Variants in SPPL3 observed in about 807,000 individuals in gnomAD.
SPPL3 encodes the protein signal peptide peptidase like 3, also known as signal peptide peptidase-like 3.
Under a neutral mutation model 42.4 loss-of-function variants are expected in SPPL3, and 5 were observed. The ratio of observed to expected loss-of-function variants is 0.12; its 90% CI spans 0.06 to 0.25. SPPL3 has a LOEUF of 0.25. SPPL3 is among the 10% of genes least tolerant of loss of function. SPPL3 has a pLI of 1.00. For synonymous variants in SPPL3, 195 were observed against 181.8 expected (o/e 1.07, Z -0.58); for missense variants, 235 against 489.0 (o/e 0.48, Z 4.90).
chr12:120,837,739 C>T (rs1410814563), intron 1 of SPPL3, among the ~76,000 whole-genome samples: 2 of 152,112 alleles, frequency 1.3e-5, no homozygotes, highest in Non-Finnish European at 2.9e-5. Context: ...AATTTCCTTC[C>T]AACATTTATT....
At chr12:120,862,167 A>G (rs948512609) in intron 1 of SPPL3, among the ~76,000 whole-genome samples, 3 of 152,212 alleles carry the variant, frequency 2.0e-5, no homozygotes, top group African/African-American at 7.2e-5. Context: ...GAAACTGTGA[A>G]TATGAAAAAT....
At chr12:120,892,432 A>T (rs1180309129) in intron 1 of SPPL3, among the ~76,000 whole-genome samples, 2 of 152,188 alleles carry the variant, frequency 1.3e-5, no homozygotes, top group African/African-American at 4.8e-5. Flanking sequence ...AGGGGAAAAC[A>T]TTGCAGTCAG....
At chr12:120,784,904 T>A (rs770546385) in intron 3 of SPPL3, among the ~76,000 whole-genome samples, 2 of 151,980 alleles carry the variant, frequency 1.3e-5, no homozygotes, top group Non-Finnish European at 2.9e-5. Context: ...AAAACCCAGA[T>A]TAGTCCATTT....
At chr12:120,902,762 T>C (rs1018041552) in intron 1 of SPPL3, among the ~76,000 whole-genome samples, 4 of 152,076 alleles carry the variant, frequency 2.6e-5, no homozygotes, top group African/African-American at 7.2e-5. Flanking sequence ...TTCAAACCAT[T>C]TCTCTAAATT....
At chr12:120,776,450 T>C (rs908006883) in intron 6 of SPPL3, among the ~76,000 whole-genome samples, 1 of 152,160 alleles carries the variant, frequency 6.6e-6, no homozygotes, top group African/African-American at 2.4e-5. Context: ...CATTCCTCCT[T>C]TAGTGAGTCT....
At chr12:120,767,266 T>A in intron 9 of SPPL3, 128 bp downstream of exon 9, 1 of 980,594 alleles carries the variant, frequency 1.0e-6, no homozygotes, top group Non-Finnish European at 1.5e-6. Context: ...GGCCAGGCTG[T>A]CTATTACAGC....
intron 2 of SPPL3, among the ~76,000 whole-genome samples, chr12:120,802,413 G>GTATA (rs1159315831): frequency 4.4e-5 from 5 of 112,434 alleles, no homozygotes; most frequent in East Asian, 2.4e-4. Context: ...GTGTGTGTGT[G>GTATA]TGTATATATA....
chr12:120,868,850 T>C lies in SPPL3; in HGVS notation c.23+34995A>G, dbSNP rs188416153. On this transcript the variant is annotated intron_variant, in intron 1 of 10. Coordinates refer to ENST00000353487, the MANE Select transcript of SPPL3 (RefSeq NM_139015.5). Reference sequence around the variant, plus strand: ...ATATACATCTGAAGTGTAATATTAATAACTTTTCACAGAAATACTGAAGTA... The same window carrying C: ...ATATACATCTGAAGTGTAATATTAACAACTTTTCACAGAAATACTGAAGTA... 1.6e-3 allele frequency among the ~76,000 whole-genome samples: 250 copies of C among 152,334 alleles called. 1 individual carries two copies. The highest frequency in any genetic ancestry group is 5.6e-3 in the African/African-American group (233 of 41,564).
intron 1 of SPPL3, among the ~76,000 whole-genome samples, chr12:120,841,595 A>G (rs1871834365): frequency 6.6e-6 from 1 of 152,204 alleles, no homozygotes; most frequent in South Asian, 2.1e-4. Flanking sequence ...CAGTTTGTTC[A>G]TTCATCTGAA....
intron 6 of SPPL3, among the ~76,000 whole-genome samples, chr12:120,774,121 A>G (rs781578896): frequency 3.7e-4 from 56 of 152,164 alleles, no homozygotes; most frequent in Admixed American, 3.6e-3. Context: ...AACCTTCCAA[A>G]TAAGAAAGTC....
intron 1 of SPPL3, among the ~76,000 whole-genome samples, chr12:120,858,208 T>C (rs573831264): frequency 1.3e-5 from 2 of 152,220 alleles, no homozygotes; most frequent in Non-Finnish European, 2.9e-5. Flanking sequence ...CTGGGCACTG[T>C]GGCTCACGCC....
Position 120,784,586 on chromosome 12 carries a change from T to C in SPPL3, c.198A>G (p.Gln66=), listed in dbSNP as rs372773413. Residue 66 remains glutamine (Q), a synonymous_variant, in exon 4 of 11, where the codon CAA becomes CAG. Coordinates refer to ENST00000353487, the MANE Select transcript of SPPL3 (RefSeq NM_139015.5). ...FNGNSTNNSI[Q]TIDSTQALFL... Reference sequence around the variant, plus strand: ...ACAGAGCCTGGGTAGAGTCAATTGTTTGGATGCCTGAAAGAGAAAAACAGA... The same window carrying C: ...ACAGAGCCTGGGTAGAGTCAATTGTCTGGATGCCTGAAAGAGAAAAACAGA... The C allele has an allele frequency of 1.2e-5, 20 of 1,605,342 alleles. No individual in the cohort carries two copies. The African/African-American group carries it at 2.2e-4, about 17-fold the overall frequency.
In SPPL3 at chr12:120,766,323, G is replaced by A. The variant is rs1006874299; in HGVS notation, c.1023C>T (p.Pro341=). 21 of 1,600,872 alleles carry A rather than the reference G, an allele frequency of 1.3e-5. 1 individual carries two copies. The highest frequency in any genetic ancestry group is 1.6e-4 in the Middle Eastern group (1 of 6,066). The change falls in exon 10 of 11, where the codon CCC becomes CCT. Residue 341 remains proline, a synonymous_variant. Transcript: ENST00000353487. The part of the protein sequence containing the change: ...VASRIHRAAQ[P]ALLYLVPFTL... Reference sequence around the variant, plus strand: ...TAAATGGCACCAAATAGAGAAGGGCGGGCTGGGCGGCCCGGTGAATGCGAG... The same window carrying A: ...TAAATGGCACCAAATAGAGAAGGGCAGGCTGGGCGGCCCGGTGAATGCGAG...
intron 2 of SPPL3, among the ~76,000 whole-genome samples, chr12:120,799,685 C>T (rs951216984): frequency 1.3e-5 from 2 of 152,158 alleles, no homozygotes; most frequent in African/African-American, 2.4e-5. Flanking sequence ...AAAATCAAGC[C>T]TTGTTTGGTT....
chr12:120,888,441 A>C (rs1191889330), intron 1 of SPPL3, among the ~76,000 whole-genome samples: 2 of 152,186 alleles, frequency 1.3e-5, no homozygotes, highest in Admixed American at 1.3e-4. Context: ...TGAGTGCATA[A>C]GCTGAATGTG....
intron 2 of SPPL3, among the ~76,000 whole-genome samples, chr12:120,798,941 T>G (rs1428431096): frequency 6.6e-6 from 1 of 152,174 alleles, no homozygotes; most frequent in Non-Finnish European, 1.5e-5. Context: ...GAATAGGTGC[T>G]GAGAACCCCC....
intron 1 of SPPL3, among the ~76,000 whole-genome samples, chr12:120,879,769 G>T (rs927390052): frequency 2.0e-5 from 3 of 151,762 alleles, no homozygotes; most frequent in Non-Finnish European, 4.4e-5. Context: ...CTGTAAAATG[G>T]GAAAAACACC....
intron 1 of SPPL3, among the ~76,000 whole-genome samples, chr12:120,876,624 A>AAAAAAAAG (rs1593007179): frequency 1.4e-5 from 2 of 143,842 alleles, no homozygotes; most frequent in African/African-American, 2.8e-5. Flanking sequence ...CTCAAAAAAA[A>AAAAAAAAG]AAAAAAAAAA....
chr12:120,806,840 C>T (rs549515602), intron 2 of SPPL3, among the ~76,000 whole-genome samples: 2 of 105,602 alleles, frequency 1.9e-5, no homozygotes, highest in African/African-American at 8.5e-5. Flanking sequence ...GAGCGAGACT[C>T]CATTAAAAAA....
Sources: gnomAD v4.1 joint callset for allele counts (sites outside exome capture counted in the v4.1 genomes callset) on GRCh38, gnomAD v4.1.1 for gene constraint, MANE v1.5 for transcripts, NCBI Gene and HGNC (gene_info 2026-07-23, HGNC 2026-07-21) for gene names.